Variants in UGGT1 observed in about 807,000 individuals in gnomAD.
UGGT1 encodes UDP-glucose glycoprotein glucosyltransferase 1.
UGGT1 carries 107 observed loss-of-function variants against 203.9 expected under a neutral mutation model. The observed-to-expected ratio is 0.52, with a 90% CI of 0.45 to 0.62. The LOEUF (loss-of-function observed/expected upper bound fraction) is 0.62. Among genes scored for constraint, UGGT1 ranks in the 20% least tolerant of loss-of-function variants. The probability of loss-of-function intolerance (pLI) is 0.00; values close to 1 mark genes in which losing one functional copy is unlikely to be tolerated. For missense variants in UGGT1, 1,673 were observed against 1,867.2 expected (o/e 0.90, Z 1.92); for synonymous variants, 628 against 653.5 (o/e 0.96, Z 0.59).
At chr2:128,127,330 C>G in intron 11 of UGGT1, 31 bp from the exon 12 acceptor site, 1 of 1,502,276 alleles carries the variant, frequency 6.7e-7, no homozygotes. Flanking sequence ...CATTCTCTCA[C>G]AGCTCCCTAA....
intron 39 of UGGT1, 83 bp from the exon 40 acceptor site, chr2:128,187,366 G>T (rs1337746370): frequency 1.4e-6 from 2 of 1,469,206 alleles, no homozygotes; most frequent in African/African-American, 1.4e-5. Flanking sequence ...GTCCAGTTAG[G>T]ACTTGTAACC....
chr2:128,180,829 AT>A, intron 35 of UGGT1, 60 bp from the exon 36 acceptor site: 1 of 1,535,134 alleles, frequency 6.5e-7, no homozygotes, highest in Non-Finnish European at 8.9e-7. Context: ...GGCTTACATT[AT>A]GAAAGCAGTT....
At chr2:128,163,690 G>A (rs1431942213) in intron 25 of UGGT1, among the ~76,000 whole-genome samples, 1 of 151,488 alleles carries the variant, frequency 6.6e-6, no homozygotes, top group East Asian at 1.9e-4. Context: ...CTCCAGCCTG[G>A]GCGATAGAGT....
chr2:128,097,693 T>C (rs10928803), intron 2 of UGGT1, 129 bp downstream of exon 2: 1,127,765 of 1,188,250 alleles, frequency 0.95, 537,791 homozygotes, highest in Non-Finnish European at 0.98. Context: ...TTTCAGTGTA[T>C]ACTGTAGGAT....
intron 4 of UGGT1, among the ~76,000 whole-genome samples, chr2:128,109,135 G>T (rs1023529487): frequency 6.6e-6 from 1 of 152,072 alleles, no homozygotes; most frequent in Non-Finnish European, 1.5e-5. Context: ...CAGGAGATCT[G>T]CCTGCCTCTG....
At position 128,159,508 on chromosome 2, in the gene UGGT1, G is replaced by T. The variant is rs1690418082; in HGVS notation, c.2356-6G>T. On this transcript the variant is annotated splice_region_variant and splice_polypyrimidine_tract_variant and intron_variant, in intron 22 of 40. Transcript: ENST00000259253. ...ATATGACTCCCGTTTCCCATTTTGT[G>T]AACAGAAATCCAGTAACAATGTTAG... 6.2e-7 allele frequency: 1 copy of T among 1,613,562 alleles called. No individual in the cohort carries two copies. The highest frequency in any genetic ancestry group is 8.5e-7 in the Non-Finnish European group (1 of 1,179,604).
chr2:128,091,601 C>T, intron 1 of UGGT1, 186 bp downstream of exon 1: 2 of 1,436,404 alleles, frequency 1.4e-6, no homozygotes, highest in Non-Finnish European at 1.8e-6. Context: ...GGCAAGGTAT[C>T]GCTTCCGCGG....
At position 128,138,772 on chromosome 2, in the gene UGGT1, G is replaced by T. The variant is rs1163061357; in HGVS notation, c.1639G>T (p.Ala547Ser). The change falls in exon 16 of 41, where the codon GCT becomes TCT. Residue 547 changes from alanine to serine, a missense_variant. By Grantham distance (99) the Ala-to-Ser change is moderately conservative (BLOSUM62 1). Coordinates refer to ENST00000259253, the MANE Select transcript of UGGT1 (RefSeq NM_020120.4). Reference protein sequence around the residue: ...DSEDVDGMQDAGVAVLRAYNY... With the variant: ...DSEDVDGMQDSGVAVLRAYNY... ...TGAAGATGTTGATGGGATGCAAGAT[G>T]CTGGAGTGGCTGTTCTTAGAGCATA... 6.2e-7 allele frequency: 1 copy of T among 1,614,178 alleles called. No individual in the cohort carries two copies. Among genetic ancestry groups the T allele is most frequent in the South Asian group, 1.1e-5 (1 of 91,082 alleles).
At chr2:128,157,114 C>A in intron 21 of UGGT1, 138 bp from the exon 22 acceptor site, 2 of 657,366 alleles carry the variant, frequency 3.0e-6, no homozygotes, top group Non-Finnish European at 5.2e-6. Context: ...ACTTTTTCTT[C>A]TATCTTTATT....
chr2:128,118,627 T>C (rs1369007868), intron 8 of UGGT1, among the ~76,000 whole-genome samples: 2 of 152,222 alleles, frequency 1.3e-5, no homozygotes, highest in East Asian at 1.9e-4. Flanking sequence ...GATGATTTTA[T>C]GCATTCACAG....
At chr2:128,179,639 C>T (rs2104812012) in intron 34 of UGGT1, 147 bp from the exon 35 acceptor site, 6 of 589,536 alleles carry the variant, frequency 1.0e-5, no homozygotes, top group Admixed American at 3.7e-5. Context: ...TTTCATTTTC[C>T]ATCACTGAGC....
At chr2:128,163,741 G>A (rs1690647464) in intron 25 of UGGT1, among the ~76,000 whole-genome samples, 1 of 151,988 alleles carries the variant, frequency 6.6e-6, no homozygotes, top group African/African-American at 2.4e-5. Context: ...TTTTAGAAGA[G>A]GCAGGGACAA....
In UGGT1 at chr2:128,116,203, G is replaced by A; in HGVS notation, c.794-62G>A. The stretch of plus-strand genomic sequence containing the variant: ...CAATTTTATGAAGTTTATGAGACTA[G>A]TAACGTTTTTGTTTCAAATCTGAGC... On this transcript the variant is annotated intron_variant, in intron 7 of 40. Transcript: ENST00000259253. 3 of 1,083,196 alleles carry A rather than the reference G, an allele frequency of 2.8e-6. No individual in the cohort carries two copies. In the South Asian group the frequency reaches 4.2e-5, roughly 15 times the overall value. The allele number at this position is 1,083,196 out of a possible 1,614,324, so 67.1% of individuals were successfully genotyped here.
At chr2:128,137,764 C>T (rs1689200656) in intron 15 of UGGT1, among the ~76,000 whole-genome samples, 1 of 152,228 alleles carries the variant, frequency 6.6e-6, no homozygotes. Context: ...TATGCATGTG[C>T]ATGTCCAGTT....
At chr2:128,158,750 C>T (rs1475795920) in intron 22 of UGGT1, among the ~76,000 whole-genome samples, 1 of 152,058 alleles carries the variant, frequency 6.6e-6, no homozygotes, top group Non-Finnish European at 1.5e-5. Context: ...CTTTGTGTGT[C>T]CTGGGTGTAT....
intron 38 of UGGT1, among the ~76,000 whole-genome samples, chr2:128,184,674 T>C (rs1191309441): frequency 3.3e-5 from 5 of 152,190 alleles, no homozygotes; most frequent in African/African-American, 1.2e-4. Context: ...AGGTAAACTT[T>C]TTTGTTTGTT....
intron 17 of UGGT1, 178 bp from the exon 18 acceptor site, chr2:128,145,625 A>C: frequency 1.6e-6 from 1 of 617,712 alleles, no homozygotes. Flanking sequence ...TTTACATAGT[A>C]GGATATTAAC....
intron 10 of UGGT1, among the ~76,000 whole-genome samples, chr2:128,121,610 T>C (rs1688386444): frequency 6.6e-6 from 1 of 152,140 alleles, no homozygotes; most frequent in South Asian, 2.1e-4. Context: ...TTTCACTGTG[T>C]TGGCCAGGCT....
intron 29 of UGGT1, 39 bp downstream of exon 29, chr2:128,172,801 T>C (rs1455511426): frequency 6.3e-7 from 1 of 1,574,866 alleles, no homozygotes; most frequent in East Asian, 2.2e-5. Context: ...CCTAATCATG[T>C]ATAATACAGC....
Sources: allele counts gnomAD v4.1 joint callset (sites outside exome capture counted in the v4.1 genomes callset), GRCh38; gene constraint gnomAD v4.1.1; transcripts MANE v1.5; gene names NCBI Gene and HGNC (gene_info 2026-07-23, HGNC 2026-07-21).